MYO9A: variants seen among roughly 807,000 people sequenced by gnomAD.
MYO9A encodes unconventional myosin-IXa.
MYO9A carries 103 observed loss-of-function variants against 293.3 expected under a neutral mutation model. The observed-to-expected ratio is 0.35, with a 90% CI of 0.30 to 0.41. The LOEUF is 0.41. Among genes scored for constraint, MYO9A ranks in the 10% least tolerant of loss-of-function variants. MYO9A has a pLI of 1.00. For synonymous variants in MYO9A, 1,001 were observed against 1,035.7 expected, an observed-to-expected ratio of 0.97 and a Z score of 0.64; for missense variants, 2,685 against 3,033.0, an observed-to-expected ratio of 0.89 and a Z score of 2.69.
At chr15:71,975,986 C>T (rs187747684) in intron 12 of MYO9A, among the ~76,000 whole-genome samples, 12 of 152,302 alleles carry the variant, frequency 7.9e-5, no homozygotes, top group African/African-American at 2.4e-4. Context: ...CTCATTGTTT[C>T]GTTTTCCCTG....
intron 1 of MYO9A, among the ~76,000 whole-genome samples, chr15:72,063,302 G>A (rs1272678346): frequency 6.6e-6 from 1 of 152,126 alleles, no homozygotes; most frequent in Non-Finnish European, 1.5e-5. Flanking sequence ...ACCACTGAAA[G>A]AAAACATTGG....
intron 1 of MYO9A, among the ~76,000 whole-genome samples, chr15:72,080,013 T>C (rs2079490548): frequency 6.6e-6 from 1 of 152,212 alleles, no homozygotes; most frequent in African/African-American, 2.4e-5. Context: ...AAGGAACAAG[T>C]ATTATCTGCT....
chr15:71,966,190 T>C (rs766612403), intron 13 of MYO9A, among the ~76,000 whole-genome samples: 16 of 151,900 alleles, frequency 1.1e-4, no homozygotes, highest in Non-Finnish European at 7.4e-5. Flanking sequence ...CCAGAAATAA[T>C]ATACACCAGC....
chr15:72,057,674 A>G (rs373879705), intron 1 of MYO9A, among the ~76,000 whole-genome samples: 14 of 152,336 alleles, frequency 9.2e-5, no homozygotes, highest in East Asian at 7.7e-4. Flanking sequence ...TTCCCACACC[A>G]GGGCCGCTAA....
chr15:72,027,873 G>A (rs765564584), intron 3 of MYO9A, 80 bp from the exon 4 acceptor site: 2 of 1,052,462 alleles, frequency 1.9e-6, no homozygotes, highest in East Asian at 2.5e-5. Context: ...CAGTGTAAAA[G>A]TATAAAGAAT....
chr15:72,078,316 T>G (rs1158065244), intron 1 of MYO9A, among the ~76,000 whole-genome samples: 1 of 138,332 alleles, frequency 7.2e-6, no homozygotes, highest in Non-Finnish European at 1.6e-5. Context: ...CAATGTGGTG[T>G]GACCTCCTTC....
At chr15:71,976,577 A>G (rs2076152812) in intron 12 of MYO9A, among the ~76,000 whole-genome samples, 1 of 152,234 alleles carries the variant, frequency 6.6e-6, no homozygotes, top group South Asian at 2.1e-4. Context: ...ACGGAATATC[A>G]AAATCACCTA....
chr15:71,898,700 C>A lies in MYO9A; in HGVS notation c.3803G>T (p.Gly1268Val). 1 of 1,613,996 alleles carries A rather than the reference C, an allele frequency of 6.2e-7. No individual in the cohort carries two copies. Among genetic ancestry groups the A allele is most frequent in the Non-Finnish European group, 8.5e-7 (1 of 1,179,998 alleles). ...SLEDLHQKKV[G>V]RAKRESRRMR... ...TCTCCTACTTTCTCTCTTAGCCCGGCCTACTTTTTTCTGATGGAGATCCTC... is the reference window on the plus strand; with the variant it reads ...TCTCCTACTTTCTCTCTTAGCCCGGACTACTTTTTTCTGATGGAGATCCTC... The change falls in exon 25 of 42, where the codon GGC (glycine) becomes GTC (valine). Residue 1268 changes from glycine to valine, a missense_variant. Coordinates refer to ENST00000356056, the MANE Select transcript of MYO9A (RefSeq NM_006901.4).
At chr15:72,069,703 G>A (rs1294345772) in intron 1 of MYO9A, among the ~76,000 whole-genome samples, 1 of 151,962 alleles carries the variant, frequency 6.6e-6, no homozygotes, top group Non-Finnish European at 1.5e-5. Context: ...AGTAAACAGT[G>A]ACTCTTTTTT....
intron 13 of MYO9A, among the ~76,000 whole-genome samples, chr15:71,961,103 A>C (rs892263066): frequency 6.6e-6 from 1 of 152,246 alleles, no homozygotes; most frequent in Non-Finnish European, 1.5e-5. Context: ...ATAGGAAATG[A>C]ATTATTCAAA....
intron 2 of MYO9A, chr15:72,045,155 T>G (rs1380938355): frequency 6.6e-6 from 1 of 152,270 alleles, no homozygotes; most frequent in African/African-American, 2.4e-5. Context: ...GCAGGCAGTG[T>G]GCCCAGAATA....
chr15:72,037,344 T>A (rs2078084855), intron 2 of MYO9A, among the ~76,000 whole-genome samples: 1 of 147,332 alleles, frequency 6.8e-6, no homozygotes, highest in Non-Finnish European at 1.5e-5. Context: ...TCTGAAAACA[T>A]CTGAAATATT....
chr15:71,942,016 C>T (rs1433176387), intron 15 of MYO9A, among the ~76,000 whole-genome samples: 1 of 151,878 alleles, frequency 6.6e-6, no homozygotes, highest in Non-Finnish European at 1.5e-5. Flanking sequence ...ATAGCTCTAA[C>T]AATATATATA....
chr15:71,988,103 C>G (rs2076449809), intron 11 of MYO9A, among the ~76,000 whole-genome samples: 1 of 152,104 alleles, frequency 6.6e-6, no homozygotes, highest in African/African-American at 2.4e-5. Flanking sequence ...TTGTCTTTTT[C>G]AAAATCAATT....
chr15:71,957,386 A>G (rs777096948), intron 14 of MYO9A, among the ~76,000 whole-genome samples: 1 of 152,186 alleles, frequency 6.6e-6, no homozygotes, highest in Non-Finnish European at 1.5e-5. Flanking sequence ...AAAAATTTAG[A>G]GGTCCTTACC....
At chr15:71,984,946 A>G (rs1246092238) in intron 11 of MYO9A, among the ~76,000 whole-genome samples, 3 of 151,964 alleles carry the variant, frequency 2.0e-5, no homozygotes, top group African/African-American at 4.8e-5. Context: ...TTGAGACGCA[A>G]TCTCACTCTG....
At chr15:72,037,962 T>A (rs2078108077) in intron 2 of MYO9A, among the ~76,000 whole-genome samples, 1 of 151,364 alleles carries the variant, frequency 6.6e-6, no homozygotes, top group Non-Finnish European at 1.5e-5. Context: ...TCACTCAGGC[T>A]GGAGTGCAGT....
chr15:72,071,189 T>G (rs2079178652), intron 1 of MYO9A, among the ~76,000 whole-genome samples: 1 of 152,002 alleles, frequency 6.6e-6, no homozygotes, highest in African/African-American at 2.4e-5. Flanking sequence ...TATAAGGAAC[T>G]TAAATCAACA....
intron 1 of MYO9A, among the ~76,000 whole-genome samples, chr15:72,113,443 A>ATT (rs2151176361): frequency 6.6e-6 from 1 of 152,364 alleles, no homozygotes; most frequent in East Asian, 1.9e-4. Flanking sequence ...GTAAGAGTGG[A>ATT]TTAAAGTATG....
Sources: allele counts gnomAD v4.1 joint callset (sites outside exome capture counted in the v4.1 genomes callset), GRCh38; gene constraint gnomAD v4.1.1; transcripts MANE v1.5; gene names NCBI Gene and HGNC (gene_info 2026-07-23, HGNC 2026-07-21).